Variants in PXDNL observed in about 807,000 individuals in gnomAD.
PXDNL encodes probable oxidoreductase PXDNL.
In PXDNL, 145 loss-of-function variants were observed where a neutral mutation model predicts 150.8. The ratio of observed to expected loss-of-function variants is 0.96; its 90% CI spans 0.84 to 1.10. The LOEUF (loss-of-function observed/expected upper bound fraction) is 1.10. Among genes scored for constraint, PXDNL ranks in the 50% least tolerant of loss-of-function variants. The probability of loss-of-function intolerance (pLI) is 0.00; values close to 1 mark genes in which losing one functional copy is unlikely to be tolerated. For missense variants in PXDNL, 2,087 were observed against 1,873.9 expected, an observed-to-expected ratio of 1.11 and a Z score of -2.10; for synonymous variants, 757 against 725.7, an observed-to-expected ratio of 1.04 and a Z score of -0.69.
intron 8 of PXDNL, among the ~76,000 whole-genome samples, chr8:51,470,434 C>T (rs1007395663): frequency 6.6e-6 from 1 of 151,830 alleles, no homozygotes; most frequent in African/African-American, 2.4e-5. Flanking sequence ...CAAAAAAAAT[C>T]AGAGTTGATT....
intron 21 of PXDNL, among the ~76,000 whole-genome samples, chr8:51,321,999 C>G (rs1805333435): frequency 6.6e-6 from 1 of 152,040 alleles, no homozygotes. Flanking sequence ...GGCTCTAACC[C>G]AATAACATTG....
intron 4 of PXDNL, among the ~76,000 whole-genome samples, chr8:51,520,554 C>T (rs769271038): frequency 1.3e-5 from 2 of 152,036 alleles, no homozygotes; most frequent in African/African-American, 2.4e-5. Context: ...TGTCCTCCCA[C>T]CTATGCTAAT....
At chr8:51,592,499 T>A (rs1235284427) in intron 3 of PXDNL, 128 bp downstream of exon 3, 2 of 613,972 alleles carry the variant, frequency 3.3e-6, no homozygotes, top group African/African-American at 3.8e-5. Context: ...TATGTGAGTT[T>A]TATATAAAGG....
chr8:51,778,880 T>G (rs1347343606), intron 1 of PXDNL, among the ~76,000 whole-genome samples: 1 of 152,236 alleles, frequency 6.6e-6, no homozygotes, highest in Non-Finnish European at 1.5e-5. Context: ...CAGTATGCTC[T>G]TTTACTTTCT....
At chr8:51,440,285 T>C (rs1037216983) in intron 12 of PXDNL, among the ~76,000 whole-genome samples, 2 of 151,920 alleles carry the variant, frequency 1.3e-5, no homozygotes, top group African/African-American at 4.8e-5. Context: ...GGGGAAAGGA[T>C]GGGAGGGTGG....
At chr8:51,754,230 T>C (rs1490073579) in intron 1 of PXDNL, among the ~76,000 whole-genome samples, 1 of 152,172 alleles carries the variant, frequency 6.6e-6, no homozygotes, top group Non-Finnish European at 1.5e-5. Context: ...TTCATACTAA[T>C]CTCTTAAAAA....
At chr8:51,497,713 A>T (rs1004119883) in intron 5 of PXDNL, among the ~76,000 whole-genome samples, 5 of 152,220 alleles carry the variant, frequency 3.3e-5, no homozygotes, top group African/African-American at 7.2e-5. Flanking sequence ...GAGAAATGCA[A>T]ATCAAAACCA....
chr8:51,775,442 G>T (rs1002541704), intron 1 of PXDNL, among the ~76,000 whole-genome samples: 2 of 152,142 alleles, frequency 1.3e-5, no homozygotes, highest in African/African-American at 4.8e-5. Context: ...TCTCTACAGG[G>T]TTCATCAGTG....
chr8:51,756,379 G>A (rs1364940891), intron 1 of PXDNL, among the ~76,000 whole-genome samples: 2 of 142,580 alleles, frequency 1.4e-5, no homozygotes, highest in South Asian at 2.2e-4. Flanking sequence ...GTGACACAGT[G>A]AGACCCCATC....
intron 2 of PXDNL, among the ~76,000 whole-genome samples, chr8:51,598,455 C>T (rs111710463): frequency 6.6e-6 from 1 of 152,240 alleles, no homozygotes; most frequent in African/African-American, 2.4e-5. Context: ...CGTTGAATTT[C>T]ATCAAAAGCT....
chr8:51,325,320 T>C (rs1366894906), intron 21 of PXDNL, among the ~76,000 whole-genome samples: 2 of 152,232 alleles, frequency 1.3e-5, no homozygotes, highest in Non-Finnish European at 2.9e-5. Context: ...TTAAGCCTTC[T>C]GGTTTAGGTG....
At chr8:51,372,964 C>CT (rs1214672864) in intron 18 of PXDNL, among the ~76,000 whole-genome samples, 2 of 152,148 alleles carry the variant, frequency 1.3e-5, no homozygotes, top group African/African-American at 2.4e-5. Flanking sequence ...ATGCCAAGCA[C>CT]TTTTTTGTGC....
intron 1 of PXDNL, among the ~76,000 whole-genome samples, chr8:51,704,172 T>C (rs554488057): frequency 2.0e-5 from 3 of 152,368 alleles, no homozygotes; most frequent in African/African-American, 7.2e-5. Context: ...CAATTTACCA[T>C]ATAAATGTGT....
In PXDNL at chr8:51,408,246, G is replaced by C. The variant is rs888764237; in HGVS notation, c.3378C>G (p.Leu1126=). 1 of 1,614,030 alleles carries C rather than the reference G, an allele frequency of 6.2e-7. No individual in the cohort carries two copies. Among genetic ancestry groups the C allele is most frequent in the Non-Finnish European group, 8.5e-7 (1 of 1,179,906 alleles). ...YLLSPELTQR[L]FSAAYSAAVD... is the part of the protein sequence containing the mutation. ...CGGCCGCAGAATAAGCCGCGGAGAA[G>C]AGCCTCTGGGTCAGCTCAGGACTGA... Residue 1126 remains leucine (L), a synonymous_variant, in exon 17 of 23, where the codon CTC becomes CTG. Coordinates refer to ENST00000356297, the MANE Select transcript of PXDNL (RefSeq NM_144651.5).
intron 21 of PXDNL, among the ~76,000 whole-genome samples, chr8:51,338,887 C>A (rs574980170): frequency 6.6e-6 from 1 of 152,274 alleles, no homozygotes; most frequent in East Asian, 1.9e-4. Flanking sequence ...GAAAACAGTA[C>A]TTCCTAAGAA....
At position 51,508,717 on chromosome 8, in the gene PXDNL, C is replaced by T. The variant is rs549295783; in HGVS notation, c.381-8947G>A. On this transcript the variant is annotated intron_variant, in intron 4 of 22. Coordinates refer to ENST00000356297, the MANE Select transcript of PXDNL (RefSeq NM_144651.5). ...CCCACATTGCACAGCCAGCCCTCACCGCCGCCTTACATTGGAGACCCATGC... is the reference window on the plus strand; with the variant it reads ...CCCACATTGCACAGCCAGCCCTCACTGCCGCCTTACATTGGAGACCCATGC... Among the ~76,000 whole-genome samples, 144 of 152,272 alleles carry T rather than the reference C, an allele frequency of 9.5e-4. 1 individual carries two copies. The highest frequency in any genetic ancestry group is 2.7e-3 in the African/African-American group (114 of 41,568).
intron 17 of PXDNL, among the ~76,000 whole-genome samples, chr8:51,391,169 C>G (rs1255937096): frequency 1.3e-5 from 2 of 152,094 alleles, no homozygotes; most frequent in Admixed American, 6.5e-5. Flanking sequence ...GGTTCCAAGT[C>G]TTTGATATTG....
chr8:51,791,076 A>G (rs1405703768), intron 1 of PXDNL, among the ~76,000 whole-genome samples: 1 of 152,120 alleles, frequency 6.6e-6, no homozygotes, highest in African/African-American at 2.4e-5. Context: ...GGAGACTGAC[A>G]CCAAAGGATT....
intron 1 of PXDNL, chr8:51,721,657 G>T (rs1227046309): frequency 2.4e-6 from 1 of 418,586 alleles, no homozygotes; most frequent in Non-Finnish European, 4.6e-6. Context: ...AAAAAAAAAA[G>T]AAGTTGACTC....
Sources: gnomAD v4.1 joint callset for allele counts (sites outside exome capture counted in the v4.1 genomes callset) on GRCh38, gnomAD v4.1.1 for gene constraint, MANE v1.5 for transcripts, NCBI Gene and HGNC (gene_info 2026-07-23, HGNC 2026-07-21) for gene names.